Variants in CD79A observed in about 807,000 individuals in gnomAD.
CD79A encodes B-cell antigen receptor complex-associated protein alpha chain.
CD79A carries 16 observed loss-of-function variants against 27.4 expected under a neutral mutation model. The observed-to-expected ratio is 0.58, with a 90% confidence interval of 0.40 to 0.89. The LOEUF (loss-of-function observed/expected upper bound fraction) is 0.89, where lower values mean the gene tolerates loss of function less well. Ranked by LOEUF, CD79A falls within the 40% of genes least tolerant of loss-of-function variation. The pLI, the probability that CD79A is intolerant of heterozygous loss-of-function variation, is 0.00. For missense variants in CD79A, 237 were observed against 299.7 expected (o/e 0.79, Z 1.55); for synonymous variants, 110 against 132.7 (o/e 0.83, Z 1.18).
Position 41,877,437 on chromosome 19 carries a change from G to T in CD79A, c.79+54G>T. 2.1e-6 allele frequency: 3 copies of T among 1,416,722 alleles called. No homozygotes were observed. Among genetic ancestry groups the T allele is most frequent in the Non-Finnish European group, 3.0e-6 (3 of 1,000,016 alleles). The allele number at this position is 1,416,722 out of a possible 1,614,324, so 87.8% of individuals were successfully genotyped here. On this transcript the variant is annotated intron_variant, in intron 1 of 4. Coordinates refer to ENST00000221972, the MANE Select transcript of CD79A (RefSeq NM_001783.4). The surrounding 1 kb of genome is among the most constrained non-coding windows in gnomAD (Gnocchi z 4.1). ...GGAGGTGGGGGAAGCTGTGGAGGCT[G>T]CAGAGAGGGCACAGGCAGAGGGAAG...
intron 3 of CD79A, 25 bp from the exon 4 acceptor site, chr19:41,880,645 G>GCGGGGGGGGGC: frequency 8.8e-7 from 1 of 1,134,300 alleles, no homozygotes; most frequent in Non-Finnish European, 1.3e-6. Context: ...GCTCACTGAG[G>GCGGGGGGGGGC]CACCCACCCC....
rs2074193626 is a variant in CD79A, at chr19:41,877,303, A to C, written c.-2A>C. ...TCAAACTAACCAACCCACTGGGAGA[A>C]GATGCCTGGGGGTCCAGGAGTCCTC... On this transcript the variant is annotated 5_prime_UTR_variant, in exon 1 of 5. Coordinates refer to ENST00000221972, the MANE Select transcript of CD79A (RefSeq NM_001783.4). The surrounding 1 kb of genome is among the most constrained non-coding windows in gnomAD (Gnocchi z 4.1). 1 of 1,613,364 alleles carries C rather than the reference A, an allele frequency of 6.2e-7. No individual in the cohort carries two copies. Among genetic ancestry groups the C allele is most frequent in the Non-Finnish European group, 8.5e-7 (1 of 1,179,248 alleles).
At position 41,880,990 on chromosome 19, in the gene CD79A, T is replaced by C; in HGVS notation, c.*10T>C. 6.6e-7 allele frequency: 1 copy of C among 1,512,500 alleles called. No homozygotes were observed. 93.7% of individuals were successfully genotyped at this position (1,512,500 alleles called of 1,614,324 possible). On this transcript the variant is annotated 3_prime_UTR_variant, in exon 5 of 5. Coordinates refer to ENST00000221972, the MANE Select transcript of CD79A (RefSeq NM_001783.4). ...GCTGGAGAAGCCGTGACACCCCTAC[T>C]CCTGCCAGGCTGCCCCCGCCTGCTG...
rs535912727 is a variant in CD79A at position 41,877,622 on chromosome 19, A to G, written c.79+239A>G. 7.2e-5 allele frequency among the ~76,000 whole-genome samples: 11 copies of G among 152,278 alleles called. No homozygotes were observed. The highest frequency in any genetic ancestry group is 2.6e-4 in the African/African-American group (11 of 41,566). Reference sequence around the variant, plus strand: ...TCTCACACAGGGAGGCAGGAGCAAGAGTCACCTCCCCCACCTCCTGTTCCC... The same window carrying G: ...TCTCACACAGGGAGGCAGGAGCAAGGGTCACCTCCCCCACCTCCTGTTCCC... On this transcript the variant is annotated intron_variant, in intron 1 of 4. Transcript: ENST00000221972. The surrounding 1 kb of genome is among the most constrained non-coding windows in gnomAD (Gnocchi z 4.1).
chr19:41,879,611 C>A lies in CD79A; in HGVS notation c.456C>A (p.Leu152=), dbSNP rs782517457. 1 of 1,612,390 alleles carries A rather than the reference C, an allele frequency of 6.2e-7. No individual in the cohort carries two copies. Residue 152 remains leucine, a synonymous_variant, in exon 3 of 5, where the codon CTC becomes CTA. Transcript: ENST00000221972. The surrounding 1 kb of genome is among the most constrained non-coding windows in gnomAD (Gnocchi z 5.1). ...NRIITAEGII[L]LFCAVVPGTL... Reference sequence around the variant, plus strand: ...TCATCACAGCCGAGGGGATCATCCTCCTGTTCTGCGCGGTGGTGCCTGGGA... The same window carrying A: ...TCATCACAGCCGAGGGGATCATCCTACTGTTCTGCGCGGTGGTGCCTGGGA...
rs377615732 is a variant in CD79A, at chr19:41,879,282, C to T, written c.372C>T (p.Arg124=). 118 of 1,612,182 alleles carry T rather than the reference C, an allele frequency of 7.3e-5. No homozygotes were observed. Among genetic ancestry groups the T allele is most frequent in the Non-Finnish European group, 9.2e-5 (109 of 1,179,904 alleles). Residue 124 remains arginine, a synonymous_variant, in exon 2 of 5, where the codon CGC becomes CGT. Coordinates refer to ENST00000221972, the MANE Select transcript of CD79A (RefSeq NM_001783.4). This position sits in a 1 kb window ranked among gnomAD's most constrained non-coding sequence, Gnocchi z 5.1. Reference sequence around the variant, plus strand: ...AGCAGTCCTGCGGCACCTACCTCCGCGTGCGCCGTGAGTGGCCCAGCCCTG... The same window carrying T: ...AGCAGTCCTGCGGCACCTACCTCCGTGTGCGCCGTGAGTGGCCCAGCCCTG... ...SYQQSCGTYL[R]VRQPPPRPFL... is the part of the protein sequence containing the mutation.
chr19:41,878,965 ACCC>A lies in CD79A; in HGVS notation c.80-24_80-22del. The A allele has an allele frequency of 1.1e-5, 7 of 612,042 alleles. No individual in the cohort carries two copies. The highest frequency in any genetic ancestry group is 3.7e-5 in the African/African-American group (2 of 53,366). The allele number at this position is 612,042 out of a possible 1,614,324, so 37.9% of individuals were successfully genotyped here. On this transcript the variant is annotated intron_variant, in intron 1 of 4. Coordinates refer to ENST00000221972, the MANE Select transcript of CD79A (RefSeq NM_001783.4). The surrounding 1 kb of genome is among the most constrained non-coding windows in gnomAD (Gnocchi z 4.3). ...AATGTGTCACCATCCCCAGTCCCTG[ACCC>A]ACCCACCCTGTCTCTCCACAGGCCC...
In CD79A at chr19:41,879,695, G is replaced by A. The variant is rs370885085; in HGVS notation, c.498+42G>A. The A allele has an allele frequency of 7.2e-7, 1 of 1,382,280 alleles. No homozygotes were observed. The highest frequency in any genetic ancestry group is 1.2e-5 in the South Asian group (1 of 85,314). 85.6% of individuals were successfully genotyped at this position (1,382,280 alleles called of 1,614,324 possible). A position where few individuals can be genotyped will look rare whatever the true frequency, so the allele number is the denominator to read the frequency against. ...CTCTGAGTCAGCCGGGCGAGGGCCT[G>A]GGCCGAGGGACCCCCAATACCCAGG... On this transcript the variant is annotated intron_variant, in intron 3 of 4. Coordinates refer to ENST00000221972, the MANE Select transcript of CD79A (RefSeq NM_001783.4). The surrounding 1 kb of genome is among the most constrained non-coding windows in gnomAD (Gnocchi z 5.1).
rs1555843569 is a variant in CD79A at position 41,879,236 on chromosome 19, A to C, written c.326A>C (p.Gln109Pro). 1 of 1,613,684 alleles carries C rather than the reference A, an allele frequency of 6.2e-7. No homozygotes were observed. ...SHGGIYVCRV[Q>P]EGNESYQQSC... ...GGGGGCATATACGTGTGCCGGGTCC[A>C]GGAGGGCAACGAGTCATACCAGCAG... The change falls in exon 2 of 5, where the codon CAG (glutamine) becomes CCG (proline). Residue 109 changes from glutamine to proline, a missense_variant. Coordinates refer to ENST00000221972, the MANE Select transcript of CD79A (RefSeq NM_001783.4). The surrounding 1 kb of genome is among the most constrained non-coding windows in gnomAD (Gnocchi z 5.1).
Position 41,878,952 on chromosome 19 carries a change from TC to T in CD79A, c.80-34del. On this transcript the variant is annotated intron_variant, in intron 1 of 4. Transcript: ENST00000221972. This position sits in a 1 kb window ranked among gnomAD's most constrained non-coding sequence, Gnocchi z 4.3. ...CCAGGGCTGGGGAAATGTGTCACCA[TC>T]CCCAGTCCCTGACCCACCCACCCTG... 1 of 1,472,042 alleles carries T rather than the reference TC, an allele frequency of 6.8e-7. No homozygotes were observed. Among genetic ancestry groups the T allele is most frequent in the Non-Finnish European group, 9.4e-7 (1 of 1,062,192 alleles). 91.2% of individuals were successfully genotyped at this position (1,472,042 alleles called of 1,614,324 possible). A position where few individuals can be genotyped will look rare whatever the true frequency, so the allele number is the denominator to read the frequency against.
In CD79A at chr19:41,879,513, G is replaced by A. The variant is rs781959673; in HGVS notation, c.380-22G>A. The A allele has an allele frequency of 1.8e-5, 28 of 1,542,914 alleles. No homozygotes were observed. Among genetic ancestry groups the A allele is most frequent in the South Asian group, 3.4e-5 (3 of 88,004 alleles). Reference sequence around the variant, plus strand: ...GGAGGGCAAGAGGGGCCAGGGCTCTGAGCCATACTACCTCCTTGCAGAGCC... The same window carrying A: ...GGAGGGCAAGAGGGGCCAGGGCTCTAAGCCATACTACCTCCTTGCAGAGCC... On this transcript the variant is annotated intron_variant, in intron 2 of 4. Coordinates refer to ENST00000221972, the MANE Select transcript of CD79A (RefSeq NM_001783.4). The surrounding 1 kb of genome is among the most constrained non-coding windows in gnomAD (Gnocchi z 5.1).
rs117595622 is a variant in CD79A, at chr19:41,878,817, C to T, written c.80-173C>T. On this transcript the variant is annotated intron_variant, in intron 1 of 4. Coordinates refer to ENST00000221972, the MANE Select transcript of CD79A (RefSeq NM_001783.4). This position sits in a 1 kb window ranked among gnomAD's most constrained non-coding sequence, Gnocchi z 4.3. ...CTTCCCAGGGGCTTCTTCACTTTCC[C>T]GCATCCCCCCTCTCCCCAGGATGTA... 5.4e-3 allele frequency among the ~76,000 whole-genome samples: 819 copies of T among 152,158 alleles called. 3 individuals are homozygous for T. The highest frequency in any genetic ancestry group is 8.4e-3 in the Non-Finnish European group (571 of 67,986).
Position 41,877,858 on chromosome 19 carries a change from C to T in CD79A, c.79+475C>T, listed in dbSNP as rs963048042. ...GGACTCCCCCTCACCTGCTCAAGGA[C>T]AGCTGGCAGGGGCTGTGGCCACGCT... On this transcript the variant is annotated intron_variant, in intron 1 of 4. Coordinates refer to ENST00000221972, the MANE Select transcript of CD79A (RefSeq NM_001783.4). The surrounding 1 kb of genome is among the most constrained non-coding windows in gnomAD (Gnocchi z 4.1). 2.0e-5 allele frequency among the ~76,000 whole-genome samples: 3 copies of T among 152,142 alleles called. No homozygotes were observed. The highest frequency in any genetic ancestry group is 4.4e-5 in the Non-Finnish European group (3 of 68,008).
Position 41,880,655 on chromosome 19 carries a change from C to A in CD79A, c.499-15C>A. The A allele has an allele frequency of 1.6e-6, 2 of 1,282,018 alleles. No individual in the cohort carries two copies. Among genetic ancestry groups the A allele is most frequent in the Non-Finnish European group, 2.2e-6 (2 of 901,634 alleles). The allele number at this position is 1,282,018 out of a possible 1,614,324, so 79.4% of individuals were successfully genotyped here. ...CCCCTGCTCACTGAGGCACCCACCCCACCCACCCCTACAGAAACGATGGCA... is the reference window on the plus strand; with the variant it reads ...CCCCTGCTCACTGAGGCACCCACCCAACCCACCCCTACAGAAACGATGGCA... On this transcript the variant is annotated splice_polypyrimidine_tract_variant and intron_variant, in intron 3 of 4. Coordinates refer to ENST00000221972, the MANE Select transcript of CD79A (RefSeq NM_001783.4).
rs200952677 is a variant in CD79A at position 41,879,700 on chromosome 19, G to A, written c.498+47G>A. On this transcript the variant is annotated intron_variant, in intron 3 of 4. Transcript: ENST00000221972. The surrounding 1 kb of genome is among the most constrained non-coding windows in gnomAD (Gnocchi z 5.1). Reference sequence around the variant, plus strand: ...AGTCAGCCGGGCGAGGGCCTGGGCCGAGGGACCCCCAATACCCAGGTAGCC... The same window carrying A: ...AGTCAGCCGGGCGAGGGCCTGGGCCAAGGGACCCCCAATACCCAGGTAGCC... The A allele has an allele frequency of 3.1e-4, 412 of 1,334,966 alleles. 2 individuals carry two copies. In the African/African-American group the frequency reaches 5.1e-3, roughly 17 times the overall value. 82.7% of individuals were successfully genotyped at this position (1,334,966 alleles called of 1,614,324 possible). A position where few individuals can be genotyped will look rare whatever the true frequency, so the allele number is the denominator to read the frequency against.
In CD79A at chr19:41,879,726, C is replaced by T; in HGVS notation, c.498+73C>T. The stretch of plus-strand genomic sequence containing the variant: ...AGGGACCCCCAATACCCAGGTAGCC[C>T]TCTAGAGCCTGAGGTTCCCCATCCA... On this transcript the variant is annotated intron_variant, in intron 3 of 4. Coordinates refer to ENST00000221972, the MANE Select transcript of CD79A (RefSeq NM_001783.4). This position sits in a 1 kb window ranked among gnomAD's most constrained non-coding sequence, Gnocchi z 5.1. 1.0e-6 allele frequency: 1 copy of T among 981,302 alleles called. No homozygotes were observed. Among genetic ancestry groups the T allele is most frequent in the Non-Finnish European group, 1.6e-6 (1 of 622,604 alleles). The allele number at this position is 981,302 out of a possible 1,614,324, so 60.8% of individuals were successfully genotyped here.
intron 3 of CD79A, among the ~76,000 whole-genome samples, 167 bp from the exon 4 acceptor site, chr19:41,880,503 A>G (rs1055624303): frequency 2.7e-5 from 4 of 146,938 alleles, no homozygotes; most frequent in African/African-American, 1.0e-4. Context: ...GAAGGAAGGA[A>G]GGAGAACACT....
At position 41,877,522 on chromosome 19, in the gene CD79A, A is replaced by T; in HGVS notation, c.79+139A>T. Reference sequence around the variant, plus strand: ...TAGGGGACCCAGGGAAGATGCCTATAGAAATCGTATCTGTGCCAAGATGGG... The same window carrying T: ...TAGGGGACCCAGGGAAGATGCCTATTGAAATCGTATCTGTGCCAAGATGGG... On this transcript the variant is annotated intron_variant, in intron 1 of 4. Transcript: ENST00000221972. This position sits in a 1 kb window ranked among gnomAD's most constrained non-coding sequence, Gnocchi z 4.1. The T allele has an allele frequency of 1.4e-6, 1 of 730,134 alleles. No individual in the cohort carries two copies. The highest frequency in any genetic ancestry group is 2.4e-6 in the Non-Finnish European group (1 of 419,734). 45.2% of individuals were successfully genotyped at this position (730,134 alleles called of 1,614,324 possible).
In CD79A at chr19:41,879,755, C is replaced by T; in HGVS notation, c.498+102C>T. 1.4e-6 allele frequency: 1 copy of T among 738,084 alleles called. No homozygotes were observed. The highest frequency in any genetic ancestry group is 1.7e-5 in the African/African-American group (1 of 57,942). The allele number at this position is 738,084 out of a possible 1,614,324, so 45.7% of individuals were successfully genotyped here. ...AGAGCCTGAGGTTCCCCATCCAAAA[C>T]TTGGGAGAATGAAAGCACCCACCAT... On this transcript the variant is annotated intron_variant, in intron 3 of 4. Transcript: ENST00000221972. The surrounding 1 kb of genome is among the most constrained non-coding windows in gnomAD (Gnocchi z 5.1).
Sources: gnomAD v4.1 joint callset for allele counts (sites outside exome capture counted in the v4.1 genomes callset) on GRCh38, gnomAD v4.1.1 for gene constraint, Gnocchi (gnomAD v3.1) non-coding constraint, MANE v1.5 for transcripts, NCBI Gene and HGNC (gene_info 2026-07-23, HGNC 2026-07-21) for gene names.